Variants in ZKSCAN2 observed in about 807,000 individuals in gnomAD.
ZKSCAN2 encodes zinc finger protein with KRAB and SCAN domains 2.
Under a neutral mutation model 90.5 loss-of-function variants are expected in ZKSCAN2, and 38 were observed. The observed-to-expected ratio is 0.42, with a 90% CI of 0.32 to 0.55. The LOEUF (loss-of-function observed/expected upper bound fraction) is 0.55. Among genes scored for constraint, ZKSCAN2 ranks in the 20% least tolerant of loss-of-function variants. ZKSCAN2 has a pLI of 0.11. For missense variants in ZKSCAN2, 1,167 were observed against 1,202.6 expected, an observed-to-expected ratio of 0.97 and a Z score of 0.44; for synonymous variants, 429 against 421.6, an observed-to-expected ratio of 1.02 and a Z score of -0.22.
Position 25,239,568 on chromosome 16 carries a change from G to T in ZKSCAN2, c.*248C>A. 1 of 409,566 alleles carries T rather than the reference G, an allele frequency of 2.4e-6. No homozygotes were observed. Among genetic ancestry groups the T allele is most frequent in the Non-Finnish European group, 4.4e-6 (1 of 229,038 alleles). 25.4% of individuals were successfully genotyped at this position (409,566 alleles called of 1,614,324 possible). On this transcript the variant is annotated 3_prime_UTR_variant, in exon 7 of 7. Coordinates refer to ENST00000328086, the MANE Select transcript of ZKSCAN2 (RefSeq NM_001012981.5). ...TTGCAGTGGCCTCAATGTACTGAAG[G>T]GTATTTCATTCTGAACTCGGACAAT...
Position 25,256,717 on chromosome 16 carries a change from A to G in ZKSCAN2, c.399+12T>C, listed in dbSNP as rs1430957271. The G allele has an allele frequency of 1.3e-6, 2 of 1,591,186 alleles. No individual in the cohort carries two copies. Among genetic ancestry groups the G allele is most frequent in the African/African-American group, 1.4e-5 (1 of 73,636 alleles). ...TTTTCTAAGTACAAAAATTTGGAAA[A>G]TCCTCTCTCACCTGCTGTCTTAGTC... On this transcript the variant is annotated intron_variant, in intron 1 of 6. Transcript: ENST00000328086.
At chr16:25,246,366 G>A (rs922714287) in intron 5 of ZKSCAN2, 1 of 262,742 alleles carries the variant, frequency 3.8e-6, no homozygotes, top group Admixed American at 4.8e-5. Context: ...GACTTATAAT[G>A]CAATACAATT....
At position 25,253,011 on chromosome 16, in the gene ZKSCAN2, G is replaced by A; in HGVS notation, c.613C>T (p.Leu205Phe). ...NARPSPWVPA[L>F]ADEWNTLDQE... ...TCTAGGGTATTCCATTCATCAGCAA[G>A]GGCAGGAACCCAGGGAGAAGGCCGA... Residue 205 changes from leucine (L) to phenylalanine (F), a missense_variant, in exon 3 of 7, where the codon CTT becomes TTT. Physicochemically the swap from Leu to Phe is conservative, Grantham distance 22. Transcript: ENST00000328086. 1.9e-6 allele frequency: 3 copies of A among 1,614,086 alleles called. No individual in the cohort carries two copies. The highest frequency in any genetic ancestry group is 1.7e-4 in the Middle Eastern group (1 of 6,060).
Position 25,257,103 on chromosome 16 carries a change from T to A in ZKSCAN2, c.25A>T (p.Ile9Phe). Reference protein sequence around the residue: MAVALDSQIDAPLEVEGCL... With the variant: MAVALDSQFDAPLEVEGCL... ...CCCTCAACCTCCAGGGGCGCGTCGA[T>A]CTGAGAGTCGAGGGCGACAGCCATG... Residue 9 changes from isoleucine (I) to phenylalanine (F), a missense_variant, in exon 1 of 7, where the codon ATC becomes TTC. Transcript: ENST00000328086. The A allele has an allele frequency of 6.2e-7, 1 of 1,606,950 alleles. No individual in the cohort carries two copies. Among genetic ancestry groups the A allele is most frequent in the Non-Finnish European group, 8.5e-7 (1 of 1,175,538 alleles).
intron 3 of ZKSCAN2, among the ~76,000 whole-genome samples, chr16:25,252,475 G>A (rs1317631044): frequency 6.6e-6 from 1 of 151,974 alleles, no homozygotes; most frequent in South Asian, 2.1e-4. Context: ...TACTCTTGTG[G>A]GGAGTATAAG....
At chr16:25,244,960 C>T (rs912233235) in intron 5 of ZKSCAN2, among the ~76,000 whole-genome samples, 1 of 152,146 alleles carries the variant, frequency 6.6e-6, no homozygotes, top group Admixed American at 6.5e-5. Flanking sequence ...AAATCTCTAT[C>T]CTCTATCTTA....
intron 6 of ZKSCAN2, among the ~76,000 whole-genome samples, chr16:25,242,676 T>G (rs1300894309): frequency 6.6e-6 from 1 of 152,186 alleles, no homozygotes; most frequent in Non-Finnish European, 1.5e-5. Flanking sequence ...TTGAGGTGCA[T>G]GTAGGAAATA....
At chr16:25,254,585 G>C (rs1963068033) in intron 2 of ZKSCAN2, among the ~76,000 whole-genome samples, 1 of 152,200 alleles carries the variant, frequency 6.6e-6, no homozygotes, top group Admixed American at 6.5e-5. Context: ...GTAGAATGTA[G>C]ATCTTATTTT....
intron 4 of ZKSCAN2, among the ~76,000 whole-genome samples, chr16:25,251,619 C>T (rs2141368496): frequency 6.6e-6 from 1 of 152,280 alleles, no homozygotes; most frequent in Middle Eastern, 3.4e-3. Context: ...CTCTAAGCCT[C>T]AGTTTCCTAA....
intron 1 of ZKSCAN2, 105 bp downstream of exon 1, chr16:25,256,624 T>A: frequency 7.6e-7 from 1 of 1,319,870 alleles, no homozygotes; most frequent in Non-Finnish European, 1.0e-6. Context: ...ATTAGTACCA[T>A]TTATCTTTCT....
chr16:25,244,056 T>C lies in ZKSCAN2; in HGVS notation c.1710A>G (p.Leu570=). ...SYRKVKNGHV[L]ESCAFYKEMD... Reference sequence around the variant, plus strand: ...TCTCCTTGTAGAACGCGCAGGACTCTAGCACGTGGCCATTTTTCACCTTGC... The same window carrying C: ...TCTCCTTGTAGAACGCGCAGGACTCCAGCACGTGGCCATTTTTCACCTTGC... Residue 570 remains leucine (L), a synonymous_variant, in exon 6 of 7, where the codon CTA becomes CTG. Transcript: ENST00000328086. 6.2e-7 allele frequency: 1 copy of C among 1,614,206 alleles called. No individual in the cohort carries two copies. The highest frequency in any genetic ancestry group is 2.2e-5 in the East Asian group (1 of 44,888).
In ZKSCAN2 at chr16:25,246,733, G is replaced by C. The variant is rs150009750; in HGVS notation, c.1463C>G (p.Ala488Gly). Residue 488 changes from alanine to glycine, a missense_variant, in exon 5 of 7, where the codon GCC becomes GGC. By Grantham distance (60) the Ala-to-Gly change is moderately conservative (BLOSUM62 0). Transcript: ENST00000328086. Reference protein sequence around the residue: ...EFIRKSEIHGAPVLFQNLSGV... With the variant: ...EFIRKSEIHGGPVLFQNLSGV... ...ACTGAGATTCTGAAACAAGACAGGG[G>C]CACCATGGATTTCAGACTTGCGGAT... The C allele has an allele frequency of 6.2e-7, 1 of 1,614,048 alleles. No individual in the cohort carries two copies. The highest frequency in any genetic ancestry group is 1.7e-5 in the Admixed American group (1 of 59,996).
chr16:25,253,880 C>T (rs571684857), intron 2 of ZKSCAN2, among the ~76,000 whole-genome samples: 2 of 152,308 alleles, frequency 1.3e-5, no homozygotes, highest in Admixed American at 6.5e-5. Flanking sequence ...TGATGGCACA[C>T]GCCTGTAATC....
At position 25,251,975 on chromosome 16, in the gene ZKSCAN2, T is replaced by A. The variant is rs547769682; in HGVS notation, c.739A>T (p.Ile247Phe). The change falls in exon 4 of 7, where the codon ATT (isoleucine) becomes TTT (phenylalanine). Residue 247 changes from isoleucine (I) to phenylalanine (F), a missense_variant. Coordinates refer to ENST00000328086, the MANE Select transcript of ZKSCAN2 (RefSeq NM_001012981.5). ...GFSYRKSVHQ[I>F]PAQRDLYRDF... ...CGGTAGAGGTCCCTTTGGGCAGGAA[T>A]CTGATGCACACTCTTTCTGTAGGAA... 2.5e-6 allele frequency: 4 copies of A among 1,614,010 alleles called. No individual in the cohort carries two copies. The highest frequency in any genetic ancestry group is 3.4e-6 in the Non-Finnish European group (4 of 1,179,976).
At position 25,239,425 on chromosome 16, in the gene ZKSCAN2, T is replaced by C. The variant is rs937855667; in HGVS notation, c.*391A>G. 5 of 163,020 alleles carry C rather than the reference T, an allele frequency of 3.1e-5. No homozygotes were observed. The highest frequency in any genetic ancestry group is 1.2e-4 in the African/African-American group (5 of 41,634). 10.1% of individuals were successfully genotyped at this position (163,020 alleles called of 1,614,324 possible). A position where few individuals can be genotyped will look rare whatever the true frequency, so the allele number is the denominator to read the frequency against. The stretch of plus-strand genomic sequence containing the variant: ...TGTGAAAATCTGTTATCAAGTTTCA[T>C]CCAGGATCTCACGGAGTAGGTAATA... On this transcript the variant is annotated 3_prime_UTR_variant, in exon 7 of 7. Transcript: ENST00000328086.
chr16:25,251,969 C>G lies in ZKSCAN2; in HGVS notation c.745G>C (p.Ala249Pro). The G allele has an allele frequency of 6.2e-7, 1 of 1,614,108 alleles. No individual in the cohort carries two copies. Among genetic ancestry groups the G allele is most frequent in the East Asian group, 2.2e-5 (1 of 44,874 alleles). Reference sequence around the variant, plus strand: ...AAATCCCGGTAGAGGTCCCTTTGGGCAGGAATCTGATGCACACTCTTTCTG... The same window carrying G: ...AAATCCCGGTAGAGGTCCCTTTGGGGAGGAATCTGATGCACACTCTTTCTG... The part of the protein sequence containing the change: ...SYRKSVHQIP[A>P]QRDLYRDFRK... Residue 249 changes from alanine (A) to proline (P), a missense_variant, in exon 4 of 7, where the codon GCC (alanine) becomes CCC (proline). Coordinates refer to ENST00000328086, the MANE Select transcript of ZKSCAN2 (RefSeq NM_001012981.5).
Position 25,243,989 on chromosome 16 carries a change from T to C in ZKSCAN2, c.1777A>G (p.Ser593Gly). Residue 593 changes from serine to glycine, a missense_variant, in exon 6 of 7, where the codon AGC (serine) becomes GGC (glycine). Physicochemically the swap from Ser to Gly is moderately conservative, Grantham distance 56 (BLOSUM62 0). Transcript: ENST00000328086. ...INSRASAPSPSTPEEVPSPSR... is the reference protein window; with the variant it reads ...INSRASAPSPGTPEEVPSPSR... ...GGTGATGGGACTTCCTCTGGGGTGC[T>C]GGGGGAAGGAGCAGATGCCCGAGAG... The C allele has an allele frequency of 6.2e-7, 1 of 1,614,162 alleles. No homozygotes were observed. Among genetic ancestry groups the C allele is most frequent in the Non-Finnish European group, 8.5e-7 (1 of 1,180,022 alleles).
In ZKSCAN2 at chr16:25,246,912, AG is replaced by A; in HGVS notation, c.1283del (p.Pro428LeufsTer14). ...TATCAGTGGACGGAGCACGGGCTGC[AG>A]GGTTCAACAAAGCATCCATGTCCTC... ...FFEDMDALLN[P>X]AARAPSTDKP... is the part of the protein sequence containing the mutation. On this transcript the variant is annotated frameshift_variant, in exon 5 of 7. Coordinates refer to ENST00000328086, the MANE Select transcript of ZKSCAN2 (RefSeq NM_001012981.5). LOFTEE classifies it high-confidence loss of function. 1 of 1,614,206 alleles carries A rather than the reference AG, an allele frequency of 6.2e-7. No individual in the cohort carries two copies. Among genetic ancestry groups the A allele is most frequent in the Non-Finnish European group, 8.5e-7 (1 of 1,180,042 alleles).
chr16:25,254,593 T>C (rs1360615451), intron 2 of ZKSCAN2, among the ~76,000 whole-genome samples: 1 of 152,160 alleles, frequency 6.6e-6, no homozygotes, highest in Non-Finnish European at 1.5e-5. Context: ...TAGATCTTAT[T>C]TTATTTTTTT....
Sources: gnomAD v4.1 joint callset for allele counts (sites outside exome capture counted in the v4.1 genomes callset) on GRCh38, gnomAD v4.1.1 for gene constraint, MANE v1.5 for transcripts, NCBI Gene and HGNC (gene_info 2026-07-23, HGNC 2026-07-21) for gene names.